EBF1: variants seen among roughly 807,000 people sequenced by gnomAD.
EBF1 encodes the protein transcription factor COE1.
A neutral mutation model predicts 68.4 loss-of-function variants in EBF1; 10 were observed. The observed-to-expected ratio is 0.15, with a 90% confidence interval of 0.09 to 0.25. The LOEUF (loss-of-function observed/expected upper bound fraction) is 0.25, where lower values mean the gene tolerates loss of function less well. Ranked by LOEUF, EBF1 falls within the 10% of genes least tolerant of loss-of-function variation. The probability of loss-of-function intolerance (pLI) is 1.00; values close to 1 mark genes in which losing one functional copy is unlikely to be tolerated. For missense variants in EBF1, 509 were observed against 794.4 expected, an observed-to-expected ratio of 0.64 and a Z score of 4.32; for synonymous variants, 298 against 299.8, an observed-to-expected ratio of 0.99 and a Z score of 0.06.
At chr5:158,839,980 C>T in intron 7 of EBF1, 49 bp downstream of exon 7, 1 of 1,564,858 alleles carries the variant, frequency 6.4e-7, no homozygotes, top group South Asian at 1.1e-5. Context: ...TTATCCTCTC[C>T]TGATATTCAT....
At chr5:159,018,256 G>A (rs1308161258) in intron 6 of EBF1, among the ~76,000 whole-genome samples, 1 of 152,204 alleles carries the variant, frequency 6.6e-6, no homozygotes, top group Non-Finnish European at 1.5e-5. Flanking sequence ...CAAGCCAATA[G>A]TAACACTATC....
intron 6 of EBF1, among the ~76,000 whole-genome samples, chr5:158,871,639 A>G (rs575445999): frequency 5.9e-5 from 9 of 152,314 alleles, no homozygotes. Context: ...CCATCCCCAT[A>G]GGTGGAAACA....
intron 3 of EBF1, 69 bp from the exon 4 acceptor site, chr5:159,095,744 TAAC>T (rs1782486459): frequency 2.0e-6 from 3 of 1,526,050 alleles, no homozygotes; most frequent in Non-Finnish European, 2.7e-6. Context: ...GGACAATAAT[TAAC>T]AACAACAAAA....
rs115735823 is a variant in EBF1, at chr5:158,745,272, C to T, written c.1037-14115G>A. Among the ~76,000 whole-genome samples, 684 of 152,126 alleles carry T rather than the reference C, an allele frequency of 4.5e-3. 4 individuals carry two copies. Among genetic ancestry groups the T allele is most frequent in the African/African-American group, 0.016 (646 of 41,486 alleles). On this transcript the variant is annotated intron_variant, in intron 10 of 15. Coordinates refer to ENST00000313708, the MANE Select transcript of EBF1 (RefSeq NM_024007.5). ...AATCACATATTTGTTGCTATTAGCT[C>T]GTGAGATGGTGGAAACCAATTTTGA... is the stretch of plus-strand genomic sequence containing the variant.
chr5:159,063,525 G>A (rs867990028), intron 6 of EBF1, among the ~76,000 whole-genome samples: 18 of 152,074 alleles, frequency 1.2e-4, no homozygotes, highest in African/African-American at 3.4e-4. Context: ...TTGGGGGACT[G>A]GGGGCAGAGA....
Position 158,940,250 on chromosome 5 carries a change from G to A in EBF1, c.555-100140C>T, listed in dbSNP as rs143919582. 5.7e-3 allele frequency among the ~76,000 whole-genome samples: 863 copies of A among 152,302 alleles called. 13 individuals are homozygous for A. Among genetic ancestry groups the A allele is most frequent in the African/African-American group, 0.02 (834 of 41,552 alleles). On this transcript the variant is annotated intron_variant, in intron 6 of 15. Transcript: ENST00000313708. ...AAGAGGACTGAACAACTTGGAGATTGTGTGCAGGACGGTTTCTCAGTCCAC... is the reference window on the plus strand; with the variant it reads ...AAGAGGACTGAACAACTTGGAGATTATGTGCAGGACGGTTTCTCAGTCCAC...
At position 159,077,664 on chromosome 5, in the gene EBF1, A is replaced by G. The variant is rs1452635827; in HGVS notation, c.486-4200T>C. Among the ~76,000 whole-genome samples, 4 of 151,434 alleles carry G rather than the reference A, an allele frequency of 2.6e-5. No homozygotes were observed. The South Asian group carries it at 8.3e-4, about 32-fold the overall frequency. On this transcript the variant is annotated intron_variant, in intron 5 of 15. Coordinates refer to ENST00000313708, the MANE Select transcript of EBF1 (RefSeq NM_024007.5). Reference sequence around the variant, plus strand: ...TTTTTTAAATGTAGGAACTTCAAAGAGTTAACCTATAGAGAGTGGAACAGG... The same window carrying G: ...TTTTTTAAATGTAGGAACTTCAAAGGGTTAACCTATAGAGAGTGGAACAGG...
At chr5:158,882,447 T>TG (rs1471112471) in intron 6 of EBF1, among the ~76,000 whole-genome samples, 3 of 152,180 alleles carry the variant, frequency 2.0e-5, no homozygotes, top group African/African-American at 7.2e-5. Context: ...ATATGCTAGA[T>TG]GCCAGGTACT....
intron 10 of EBF1, among the ~76,000 whole-genome samples, chr5:158,776,309 CGA>C (rs370864488): frequency 4.1e-4 from 61 of 147,414 alleles, no homozygotes; most frequent in Admixed American, 5.4e-4. Context: ...TTTATAATTT[CGA>C]GAGAGAGAGA....
At chr5:159,018,401 G>A (rs1041664678) in intron 6 of EBF1, among the ~76,000 whole-genome samples, 11 of 152,212 alleles carry the variant, frequency 7.2e-5, no homozygotes, top group African/African-American at 2.2e-4. Context: ...GTATGCATGC[G>A]TTTGCAACCT....
At chr5:158,875,624 A>C in intron 6 of EBF1, among the ~76,000 whole-genome samples, 1 of 152,230 alleles carries the variant, frequency 6.6e-6, no homozygotes, top group East Asian at 1.9e-4. Flanking sequence ...GCAATGCCTA[A>C]GTTCTGAGCT....
chr5:158,698,654 C>CTTTTTTTT lies in EBF1; in HGVS notation c.*456_*457insAAAAAAAA, dbSNP rs1756130738. 1 of 185,604 alleles carries CTTTTTTTT rather than the reference C, an allele frequency of 5.4e-6. No homozygotes were observed. Among genetic ancestry groups the CTTTTTTTT allele is most frequent in the Non-Finnish European group, 1.1e-5 (1 of 91,394 alleles). The allele number at this position is 185,604 out of a possible 1,614,324, so 11.5% of individuals were successfully genotyped here. A position where few individuals can be genotyped will look rare whatever the true frequency, so the allele number is the denominator to read the frequency against. ...GTCCCATACAAGCTTTTTTTTTTTTCCTTTTTTTCTTTTTTTTTTTTTTTA... is the reference window on the plus strand; with the variant it reads ...GTCCCATACAAGCTTTTTTTTTTTTCTTTTTTTTCTTTTTTTCTTTTTTTTTTTTTTTA... On this transcript the variant is annotated 3_prime_UTR_variant, in exon 16 of 16. Coordinates refer to ENST00000313708, the MANE Select transcript of EBF1 (RefSeq NM_024007.5).
intron 6 of EBF1, among the ~76,000 whole-genome samples, chr5:158,857,779 A>G (rs952963603): frequency 6.6e-6 from 1 of 152,200 alleles, no homozygotes; most frequent in Non-Finnish European, 1.5e-5. Context: ...CTCACCTAGT[A>G]GAAGGGTCAC....
intron 6 of EBF1, among the ~76,000 whole-genome samples, chr5:158,917,278 T>C (rs1051008647): frequency 3.3e-5 from 5 of 152,212 alleles, no homozygotes; most frequent in Non-Finnish European, 7.3e-5. Flanking sequence ...CCTTCGTACA[T>C]ACTCTCCAAG....
At chr5:158,733,034 G>A (rs1424703919) in intron 10 of EBF1, among the ~76,000 whole-genome samples, 2 of 152,094 alleles carry the variant, frequency 1.3e-5, no homozygotes, top group Non-Finnish European at 1.5e-5. Flanking sequence ...AAACCCTTGA[G>A]AAGAATTCTT....
chr5:158,717,474 G>T (rs970126916), intron 11 of EBF1, among the ~76,000 whole-genome samples: 1 of 152,106 alleles, frequency 6.6e-6, no homozygotes, highest in African/African-American at 2.4e-5. Flanking sequence ...TGAAAAGAAA[G>T]AGCACTTGAC....
chr5:158,957,231 C>T (rs531915850), intron 6 of EBF1, among the ~76,000 whole-genome samples: 1 of 152,226 alleles, frequency 6.6e-6, no homozygotes, highest in South Asian at 2.1e-4. Context: ...CTTGAACAGC[C>T]AATAAAATTA....
intron 6 of EBF1, among the ~76,000 whole-genome samples, chr5:158,952,071 G>A (rs765796511): frequency 1.1e-4 from 16 of 152,126 alleles, no homozygotes; most frequent in African/African-American, 3.1e-4. Context: ...TCCTAACCAC[G>A]GTAATGTTCA....
chr5:158,853,771 CACAT>C (rs1258174630), intron 6 of EBF1, among the ~76,000 whole-genome samples: 1 of 152,170 alleles, frequency 6.6e-6, no homozygotes, highest in African/African-American at 2.4e-5. Context: ...CACACACACT[CACAT>C]ACACATACAT....
Sources: gnomAD v4.1 joint callset for allele counts (sites outside exome capture counted in the v4.1 genomes callset) on GRCh38, gnomAD v4.1.1 for gene constraint, MANE v1.5 for transcripts, NCBI Gene and HGNC (gene_info 2026-07-23, HGNC 2026-07-21) for gene names.